The following ANO1 variants were observed in gnomAD, a reference collection of about 807,000 sequenced individuals.
The protein encoded by ANO1 is anoctamin-1.
ANO1 carries 59 observed loss-of-function variants against 124.0 expected under a neutral mutation model. The observed-to-expected ratio is 0.48, with a 90% confidence interval of 0.39 to 0.59. ANO1 has a LOEUF of 0.59. Ranked by LOEUF, ANO1 falls within the 20% of genes least tolerant of loss-of-function variation. ANO1 has a pLI of 0.00. For missense variants in ANO1, 1,059 were observed against 1,328.0 expected (o/e 0.80, Z 3.15); for synonymous variants, 529 against 532.0 (o/e 0.99, Z 0.08).
chr11:70,105,763 T>C lies in ANO1; in HGVS notation c.722T>C (p.Phe241Ser). ...LFDLSDKDSF[F>S]DSKTRSTIVY... The stretch of plus-strand genomic sequence containing the variant: ...GACTTGTCTGATAAGGATTCCTTTT[T>C]CGACAGCAAAACCCGGAGCACGATT... Residue 241 changes from phenylalanine (F) to serine (S), a missense_variant, in exon 5 of 26, where the codon TTC (phenylalanine) becomes TCC (serine). This residue lies in a region of ANO1 where 809 missense variants were observed against 1,094.9 expected (regional missense o/e 0.74). Transcript: ENST00000355303. 6.2e-7 allele frequency: 1 copy of C among 1,613,740 alleles called. No homozygotes were observed. The highest frequency in any genetic ancestry group is 8.5e-7 in the Non-Finnish European group (1 of 1,179,780).
chr11:70,119,127 A>G (rs1390380700), intron 8 of ANO1, among the ~76,000 whole-genome samples: 12 of 114,216 alleles, frequency 1.1e-4, no homozygotes, highest in African/African-American at 1.7e-4. Flanking sequence ...ATGATGGGTG[A>G]GTGGGTGGGT....
chr11:70,139,419 G>A (rs2047069838), intron 11 of ANO1, among the ~76,000 whole-genome samples: 1 of 152,176 alleles, frequency 6.6e-6, no homozygotes, highest in Admixed American at 6.5e-5. Context: ...TGCCTCCCAT[G>A]TTCAAGCGAT....
Position 70,087,995 on chromosome 11 carries a change from G to A in ANO1, c.352G>A (p.Asp118Asn), listed in dbSNP as rs775781820. ...TGCAGGCTCGGGGGAGCCCCCGATG[G>A]ACTACCACGAGGATGACAAGCGCTT... Reference protein sequence around the residue: ...LDAGSGEPPMDYHEDDKRFRR... With the variant: ...LDAGSGEPPMNYHEDDKRFRR... The change falls in exon 2 of 26, where the codon GAC becomes AAC. Residue 118 changes from aspartate (D) to asparagine (N), a missense_variant. Asp to Asn is a conservative substitution (Grantham distance 23, BLOSUM62 1). Around this residue, in one of 2 missense-constraint regions of ANO1, gnomAD observed 250 missense variants for 233.1 expected, o/e 1.07. Transcript: ENST00000355303. The A allele has an allele frequency of 3.8e-6, 6 of 1,562,576 alleles. No individual in the cohort carries two copies. The highest frequency in any genetic ancestry group is 1.4e-5 in the African/African-American group (1 of 73,568).
intron 1 of ANO1, among the ~76,000 whole-genome samples, chr11:70,036,366 G>C (rs1857093615): frequency 6.6e-6 from 1 of 152,154 alleles, no homozygotes; most frequent in South Asian, 2.1e-4. Flanking sequence ...AATCCAGGGT[G>C]ATCTCATCTT....
At chr11:70,040,735 A>G (rs1857169961) in intron 1 of ANO1, among the ~76,000 whole-genome samples, 1 of 152,196 alleles carries the variant, frequency 6.6e-6, no homozygotes, top group South Asian at 2.1e-4. Context: ...GTCGAAGGAC[A>G]CTGACTGCTG....
intron 10 of ANO1, among the ~76,000 whole-genome samples, chr11:70,127,858 T>G (rs1178725353): frequency 6.6e-6 from 1 of 152,258 alleles, no homozygotes; most frequent in Non-Finnish European, 1.5e-5. Context: ...GGCAGTGCCT[T>G]CAGCGTGCAA....
At chr11:70,119,877 TG>T (rs2046183631) in intron 8 of ANO1, among the ~76,000 whole-genome samples, 1 of 150,986 alleles carries the variant, frequency 6.6e-6, no homozygotes, top group Non-Finnish European at 1.5e-5. Context: ...GGATAGATGC[TG>T]GAGGAATGAA....
chr11:70,180,482 A>T (rs960090797), intron 23 of ANO1, among the ~76,000 whole-genome samples: 17 of 152,306 alleles, frequency 1.1e-4, no homozygotes, highest in African/African-American at 4.1e-4. Flanking sequence ...CATGTTGACC[A>T]GGCTGGTCTC....
At chr11:70,139,189 G>A (rs561811243) in intron 11 of ANO1, among the ~76,000 whole-genome samples, 2 of 152,206 alleles carry the variant, frequency 1.3e-5, no homozygotes, top group South Asian at 2.1e-4. Flanking sequence ...GAGACAGAGT[G>A]TCTGTCGCCC....
intron 18 of ANO1, among the ~76,000 whole-genome samples, chr11:70,162,085 CAGTGAGGACCCGGG>C (rs1206063436): frequency 7.0e-6 from 1 of 142,782 alleles, no homozygotes; most frequent in Non-Finnish European, 1.5e-5. Flanking sequence ...GGGCCCCGGG[CAGTGAGGACCCGGG>C]AGTGAGGGCC....
At chr11:70,095,141 G>T (rs1425495133) in intron 2 of ANO1, among the ~76,000 whole-genome samples, 1 of 151,468 alleles carries the variant, frequency 6.6e-6, no homozygotes, top group African/African-American at 2.4e-5. Context: ...AGGAGGCGGA[G>T]GTTGCATTGA....
chr11:70,068,085 G>C (rs953470808), intron 1 of ANO1, among the ~76,000 whole-genome samples: 2 of 152,234 alleles, frequency 1.3e-5, no homozygotes, highest in Non-Finnish European at 2.9e-5. Context: ...AGGAGCCCTC[G>C]TATTGGAGAA....
At chr11:70,073,228 G>A (rs770702818) in intron 1 of ANO1, among the ~76,000 whole-genome samples, 18 of 151,844 alleles carry the variant, frequency 1.2e-4, no homozygotes, top group South Asian at 2.1e-4. Flanking sequence ...TGTCCCCCTC[G>A]GCAGGGTTTC....
At chr11:70,110,404 T>A (rs2045726143) in intron 6 of ANO1, among the ~76,000 whole-genome samples, 1 of 152,086 alleles carries the variant, frequency 6.6e-6, no homozygotes, top group Non-Finnish European at 1.5e-5. Flanking sequence ...GCCAGGATAG[T>A]CTCGATCTCT....
At chr11:70,172,668 G>A (rs1427747378) in intron 22 of ANO1, among the ~76,000 whole-genome samples, 3 of 152,088 alleles carry the variant, frequency 2.0e-5, no homozygotes, top group Admixed American at 6.5e-5. Flanking sequence ...TCAGGAGTTC[G>A]AGACCAGCCT....
chr11:70,105,843 C>T (rs2135374413), intron 5 of ANO1, 55 bp downstream of exon 5: 1 of 1,554,672 alleles, frequency 6.4e-7, no homozygotes, highest in Non-Finnish European at 8.9e-7. Context: ...CCTGGGGATC[C>T]AGATGATAAT....
chr11:69,989,461 C>T (rs1344770315), intron 1 of ANO1, among the ~76,000 whole-genome samples: 1 of 151,866 alleles, frequency 6.6e-6, no homozygotes, highest in African/African-American at 2.4e-5. Context: ...CTTGAGTGTG[C>T]TGGATGGATT....
intron 1 of ANO1, among the ~76,000 whole-genome samples, chr11:69,991,007 C>G (rs1220617970): frequency 6.6e-6 from 1 of 152,170 alleles, no homozygotes; most frequent in African/African-American, 2.4e-5. Flanking sequence ...GTTGCTCATG[C>G]TTTTGGAGTC....
intron 10 of ANO1, among the ~76,000 whole-genome samples, chr11:70,127,054 C>T (rs1397222543): frequency 4.6e-5 from 6 of 129,936 alleles, no homozygotes; most frequent in East Asian, 2.4e-4. Context: ...CACTAGAGGC[C>T]TCGGTGCAGG....
Sources: allele counts gnomAD v4.1 joint callset (sites outside exome capture counted in the v4.1 genomes callset), GRCh38; gene constraint gnomAD v4.1.1; regional missense constraint gnomAD v4.1.1; transcripts MANE v1.5; gene names NCBI Gene and HGNC (gene_info 2026-07-23, HGNC 2026-07-21).